The following CELSR2 variants were observed in gnomAD, a reference collection of about 807,000 sequenced individuals.
CELSR2 encodes the protein cadherin EGF LAG seven-pass G-type receptor 2, also known as EGF-like protein 2.
Under a neutral mutation model 251.6 loss-of-function variants are expected in CELSR2, and 81 were observed. The ratio of observed to expected loss-of-function variants is 0.32; its 90% confidence interval spans 0.27 to 0.39. The LOEUF is 0.39. CELSR2 is among the 10% of genes least tolerant of loss of function. The pLI is 1.00. For missense variants in CELSR2, 3,365 were observed against 3,947.7 expected (o/e 0.85, Z 3.96); for synonymous variants, 1,721 against 1,670.5 (o/e 1.03, Z -0.74).
rs1230415708 is a variant in CELSR2, at chr1:109,272,956, C to T, written c.8267C>T (p.Pro2756Leu). The change falls in exon 31 of 34, where the codon CCT becomes CTT. Residue 2756 changes from proline (P) to leucine (L), a missense_variant. Transcript: ENST00000271332. ...GAGGAGGAAGAGGAGGCCGCCTTCC[C>T]TGGAGAGCAGGGCTGGGATAGCCTG... ...EEEEEEEAAF[P>L]GEQGWDSLLG... 3.7e-6 allele frequency: 6 copies of T among 1,614,062 alleles called. No homozygotes were observed. Among genetic ancestry groups the T allele is most frequent in the Non-Finnish European group, 5.1e-6 (6 of 1,179,994 alleles).
chr1:109,262,419 C>T lies in CELSR2; in HGVS notation c.4519C>T (p.Gln1507Ter). The change falls in exon 6 of 34, where the codon CAG becomes TAG. Residue 1507 changes from glutamine (Q) to a stop codon, truncating the protein, a stop_gained. Coordinates refer to ENST00000271332, the MANE Select transcript of CELSR2 (RefSeq NM_001408.3). LOFTEE classifies it high-confidence loss of function. ...SVLGNYSCAAQGTQGGSKKSL... is the reference protein window; with the variant it reads ...SVLGNYSCAA ...CCTGGGCAACTACTCCTGTGCTGCC[C>T]AGGGCACCCAGGGTGGCAGCAAGAA... 1 of 1,614,016 alleles carries T rather than the reference C, an allele frequency of 6.2e-7. No homozygotes were observed. The highest frequency in any genetic ancestry group is 8.5e-7 in the Non-Finnish European group (1 of 1,180,030).
rs368744788 is a variant in CELSR2 at position 109,264,300 on chromosome 1, A to G, written c.5224A>G (p.Ile1742Val). ...GCTGCATGGTCTGCACCTGAGCAAC[A>G]TAACAGTGGGCGGAATACCTGGGCC... is the stretch of plus-strand genomic sequence containing the variant. ...PRLHGLHLSN[I>V]TVGGIPGPAG... Residue 1742 changes from isoleucine to valine, a missense_variant, in exon 10 of 34, where the codon ATA becomes GTA. Transcript: ENST00000271332. 3 of 1,613,808 alleles carry G rather than the reference A, an allele frequency of 1.9e-6. No homozygotes were observed. The highest frequency in any genetic ancestry group is 2.5e-6 in the Non-Finnish European group (3 of 1,179,892).
chr1:109,263,215 C>T lies in CELSR2; in HGVS notation c.4782C>T (p.Asp1594=), dbSNP rs760516277. ...HNGGTCVNQW[D]AFSCECPLGF... is the part of the protein sequence containing the mutation. ...GGGGCACTTGCGTGAACCAGTGGGA[C>T]GCGTTCAGCTGCGAGTGCCCCCTGG... is the stretch of plus-strand genomic sequence containing the variant. Residue 1594 remains aspartate (D), a synonymous_variant, in exon 8 of 34, where the codon GAC becomes GAT. Coordinates refer to ENST00000271332, the MANE Select transcript of CELSR2 (RefSeq NM_001408.3). 2.1e-5 allele frequency: 33 copies of T among 1,595,772 alleles called. No individual in the cohort carries two copies. The highest frequency in any genetic ancestry group is 1.7e-4 in the Middle Eastern group (1 of 6,028).
In CELSR2 at chr1:109,260,191, G is replaced by A. The variant is rs974511638; in HGVS notation, c.3959-851G>A. Among the ~76,000 whole-genome samples the A allele has an allele frequency of 2.1e-5, 3 of 143,696 alleles. No homozygotes were observed. In the South Asian group the frequency reaches 7.0e-4, roughly 34 times the overall value. The allele number at this position is 143,696 out of a possible 152,430, so 94.3% of individuals were successfully genotyped here. A position where few individuals can be genotyped will look rare whatever the true frequency, so the allele number is the denominator to read the frequency against. On this transcript the variant is annotated intron_variant, in intron 2 of 33. Coordinates refer to ENST00000271332, the MANE Select transcript of CELSR2 (RefSeq NM_001408.3). ...ATGGTGGGGGGGGTTGGGAGGGGGG[G>A]GGTTAGAGCAGGCGAACAACAGTTT...
chr1:109,260,221 G>A (rs1416756009), intron 2 of CELSR2, among the ~76,000 whole-genome samples: 1 of 151,672 alleles, frequency 6.6e-6, no homozygotes, highest in East Asian at 1.9e-4. Flanking sequence ...CAGTTTCCAT[G>A]GAAACAAGAG....
At position 109,269,552 on chromosome 1, in the gene CELSR2, G is replaced by A. The variant is rs774014183; in HGVS notation, c.6941G>A (p.Arg2314Gln). Residue 2314 changes from arginine (R) to glutamine (Q), a missense_variant, in exon 21 of 34, where the codon CGG (arginine) becomes CAG (glutamine). Coordinates refer to ENST00000271332, the MANE Select transcript of CELSR2 (RefSeq NM_001408.3). The surrounding 1 kb of genome is among the most constrained non-coding windows in gnomAD (Gnocchi z 6.4). ...TTCCGCCTGCTGGAGACAGAGGAGC[G>A]GACCAAGCCCATCTGTGTCTTCTGG... ...VQFRLLETEE[R>Q]TKPICVFWNH... The A allele has an allele frequency of 3.1e-6, 5 of 1,614,072 alleles. No homozygotes were observed. The highest frequency in any genetic ancestry group is 4.2e-6 in the Non-Finnish European group (5 of 1,180,022).
Position 109,252,327 on chromosome 1 carries a change from T to C in CELSR2, c.2248T>C (p.Phe750Leu). The change falls in exon 1 of 34, where the codon TTC becomes CTC. Residue 750 changes from phenylalanine to leucine, a missense_variant. Transcript: ENST00000271332. This position sits in a 1 kb window ranked among gnomAD's most constrained non-coding sequence, Gnocchi z 4.8. ...DTGENARITY[F>L]MEDSIPQFRI... ...AGGTGAGAATGCCCGCATCACCTAC[T>C]TCATGGAGGACAGCATCCCCCAGTT... The C allele has an allele frequency of 1.9e-6, 3 of 1,613,148 alleles. No homozygotes were observed. Among genetic ancestry groups the C allele is most frequent in the Non-Finnish European group, 2.5e-6 (3 of 1,180,008 alleles).
chr1:109,252,069 G>A lies in CELSR2; in HGVS notation c.1990G>A (p.Gly664Ser). 1 of 1,614,092 alleles carries A rather than the reference G, an allele frequency of 6.2e-7. No individual in the cohort carries two copies. The highest frequency in any genetic ancestry group is 8.5e-7 in the Non-Finnish European group (1 of 1,180,030). The change falls in exon 1 of 34, where the codon GGT (glycine) becomes AGT (serine). Residue 664 changes from glycine (G) to serine (S), a missense_variant. Around this residue, in one of 5 missense-constraint regions of CELSR2, gnomAD observed 60 missense variants for 104.8 expected, o/e 0.57. Transcript: ENST00000271332. The surrounding 1 kb of genome is among the most constrained non-coding windows in gnomAD (Gnocchi z 4.8). ...NRFSITSQSG[G>S]GLVSLALPLD... Reference sequence around the variant, plus strand: ...CTTCTCCATCACCAGCCAAAGTGGTGGTGGGCTGGTATCCCTTGCCCTGCC... The same window carrying A: ...CTTCTCCATCACCAGCCAAAGTGGTAGTGGGCTGGTATCCCTTGCCCTGCC...
Position 109,274,486 on chromosome 1 carries a change from G to A in CELSR2, c.*437G>A, listed in dbSNP as rs1375029777. 7 of 206,750 alleles carry A rather than the reference G, an allele frequency of 3.4e-5. No individual in the cohort carries two copies. The highest frequency in any genetic ancestry group is 6.8e-5 in the Non-Finnish European group (7 of 102,888). 12.8% of individuals were successfully genotyped at this position (206,750 alleles called of 1,614,324 possible). On this transcript the variant is annotated 3_prime_UTR_variant, in exon 34 of 34. Transcript: ENST00000271332. ...CATCTGCTGTGCCTCTGGGAGGAGA[G>A]GGACTCCTGGGGGGCCTGCCCCTCA...
chr1:109,260,428 G>A (rs749782578), intron 2 of CELSR2, among the ~76,000 whole-genome samples: 20 of 152,140 alleles, frequency 1.3e-4, no homozygotes, highest in Non-Finnish European at 2.1e-4. Context: ...CAGGGCTCAA[G>A]GTGGGAGTCC....
rs750694881 is a variant in CELSR2, at chr1:109,252,471, A to G, written c.2392A>G (p.Thr798Ala). ...CAATGGCATTCCCCAGAAGTCCGAC[A>G]CCACCTACCTGGAGATCCTGGTGAA... Reference protein sequence around the residue: ...RDNGIPQKSDTTYLEILVNDV... With the variant: ...RDNGIPQKSDATYLEILVNDV... Residue 798 changes from threonine (T) to alanine (A), a missense_variant, in exon 1 of 34, where the codon ACC becomes GCC. Physicochemically the swap from Thr to Ala is moderately conservative, Grantham distance 58. Coordinates refer to ENST00000271332, the MANE Select transcript of CELSR2 (RefSeq NM_001408.3). The surrounding 1 kb of genome is among the most constrained non-coding windows in gnomAD (Gnocchi z 4.8). 1 of 1,613,852 alleles carries G rather than the reference A, an allele frequency of 6.2e-7. No homozygotes were observed. Among genetic ancestry groups the G allele is most frequent in the South Asian group, 1.1e-5 (1 of 91,086 alleles).
In CELSR2 at chr1:109,268,066, G is replaced by A; in HGVS notation, c.6318+6G>A. ...AGGACGTGCACTTCACTGAGGTGGG[G>A]CTTGGAGGATGCAGGGCTGGCTGGT... On this transcript the variant is annotated splice_donor_region_variant and intron_variant, in intron 17 of 33. Transcript: ENST00000271332. 1 of 1,586,568 alleles carries A rather than the reference G, an allele frequency of 6.3e-7. No individual in the cohort carries two copies. Among genetic ancestry groups the A allele is most frequent in the Non-Finnish European group, 8.6e-7 (1 of 1,165,938 alleles).
In CELSR2 at chr1:109,250,440, G is replaced by A. The variant is rs1222505013; in HGVS notation, c.361G>A (p.Gly121Ser). Residue 121 changes from glycine to serine, a missense_variant, in exon 1 of 34, where the codon GGC (glycine) becomes AGC (serine). Gly to Ser is a moderately conservative substitution (Grantham distance 56). Around this residue, in one of 5 missense-constraint regions of CELSR2, gnomAD observed 704 missense variants for 784.1 expected, o/e 0.90. Coordinates refer to ENST00000271332, the MANE Select transcript of CELSR2 (RefSeq NM_001408.3). This position sits in a 1 kb window ranked among gnomAD's most constrained non-coding sequence, Gnocchi z 4.4. ...PWSCRLLGIG[G>S]HLSPQGKLTL... ...GAGCTGTCGCCTCCTGGGCATTGGA[G>A]GCCACCTTTCCCCACAGGGCAAGCT... 6.2e-7 allele frequency: 1 copy of A among 1,613,736 alleles called. No homozygotes were observed. The highest frequency in any genetic ancestry group is 8.5e-7 in the Non-Finnish European group (1 of 1,180,024).
At chr1:109,254,053 C>T (rs1655779637) in intron 1 of CELSR2, among the ~76,000 whole-genome samples, 1 of 152,238 alleles carries the variant, frequency 6.6e-6, no homozygotes, top group African/African-American at 2.4e-5. Context: ...TCTGTCCAAA[C>T]AGACCCCACT....
rs200806233 is a variant in CELSR2, at chr1:109,266,101, G to T, written c.5912-4G>T. Reference sequence around the variant, plus strand: ...CCTGGGTGACCATGTGCTCTTCCCCGCAGTGAATTATGACAGCTGCCCACG... The same window carrying T: ...CCTGGGTGACCATGTGCTCTTCCCCTCAGTGAATTATGACAGCTGCCCACG... On this transcript the variant is annotated splice_region_variant and splice_polypyrimidine_tract_variant and intron_variant, in intron 14 of 33. Transcript: ENST00000271332. 1 of 1,613,800 alleles carries T rather than the reference G, an allele frequency of 6.2e-7. No homozygotes were observed. Among genetic ancestry groups the T allele is most frequent in the South Asian group, 1.1e-5 (1 of 91,074 alleles).
chr1:109,251,270 C>T lies in CELSR2; in HGVS notation c.1191C>T (p.Pro397=), dbSNP rs1366371738. 1.2e-6 allele frequency: 2 copies of T among 1,614,144 alleles called. No individual in the cohort carries two copies. The highest frequency in any genetic ancestry group is 8.5e-7 in the Non-Finnish European group (1 of 1,180,028). ...LSVEDDNDNA[P]QFSEKRYVVQ... ...TGGAGGATGACAATGATAATGCCCC[C>T]CAGTTTAGTGAGAAGCGCTATGTGG... Residue 397 remains proline, a synonymous_variant, in exon 1 of 34, where the codon CCC becomes CCT. Coordinates refer to ENST00000271332, the MANE Select transcript of CELSR2 (RefSeq NM_001408.3). This position sits in a 1 kb window ranked among gnomAD's most constrained non-coding sequence, Gnocchi z 4.9.
Position 109,261,523 on chromosome 1 carries a change from A to G in CELSR2, c.4192A>G (p.Lys1398Glu), listed in dbSNP as rs1169543156. 8 of 1,614,008 alleles carry G rather than the reference A, an allele frequency of 5.0e-6. No homozygotes were observed. Among genetic ancestry groups the G allele is most frequent in the East Asian group, 2.2e-5 (1 of 44,894 alleles). The change falls in exon 4 of 34, where the codon AAG becomes GAG. Residue 1398 changes from lysine (K) to glutamate (E), a missense_variant. Around this residue, in one of 5 missense-constraint regions of CELSR2, gnomAD observed 2,093 missense variants for 2,382.8 expected, o/e 0.88. Coordinates refer to ENST00000271332, the MANE Select transcript of CELSR2 (RefSeq NM_001408.3). This position sits in a 1 kb window ranked among gnomAD's most constrained non-coding sequence, Gnocchi z 4.8. ...CCAACTCCTGTTCAGGTTTGCCACAAAGGAGCGCGACGGGTTGCTGTTGTA... is the reference window on the plus strand; with the variant it reads ...CCAACTCCTGTTCAGGTTTGCCACAGAGGAGCGCGACGGGTTGCTGTTGTA... Reference protein sequence around the residue: ...HFTLALSFATKERDGLLLYNG... With the variant: ...HFTLALSFATEERDGLLLYNG...
At chr1:109,257,560 G>GTT (rs1655893356) in intron 1 of CELSR2, among the ~76,000 whole-genome samples, 1 of 152,212 alleles carries the variant, frequency 6.6e-6, no homozygotes, top group Non-Finnish European at 1.5e-5. Context: ...AAGTGAGTGT[G>GTT]TTGCCTGGGG....
In CELSR2 at chr1:109,269,064, C is replaced by T; in HGVS notation, c.6632-46C>T. 3 of 1,598,424 alleles carry T rather than the reference C, an allele frequency of 1.9e-6. No homozygotes were observed. Among genetic ancestry groups the T allele is most frequent in the Non-Finnish European group, 2.6e-6 (3 of 1,169,372 alleles). On this transcript the variant is annotated intron_variant, in intron 19 of 33. Coordinates refer to ENST00000271332, the MANE Select transcript of CELSR2 (RefSeq NM_001408.3). This position sits in a 1 kb window ranked among gnomAD's most constrained non-coding sequence, Gnocchi z 6.4. ...CTGGACCCCAGTGTCTGTGCAGACT[C>T]CACAGAGAGCAGGGCCCAGCTAAGT...
Sources: allele counts gnomAD v4.1 joint callset (sites outside exome capture counted in the v4.1 genomes callset), GRCh38; gene constraint gnomAD v4.1.1; regional missense constraint gnomAD v4.1.1; non-coding constraint Gnocchi (gnomAD v3.1); transcripts MANE v1.5; gene names NCBI Gene and HGNC (gene_info 2026-07-23, HGNC 2026-07-21).